The following ADAMTS6 variants were observed in gnomAD, a reference collection of about 807,000 sequenced individuals.
ADAMTS6 encodes ADAM metallopeptidase with thrombospondin type 1 motif 6, also known as A disintegrin and metalloproteinase with thrombospondin motifs 6.
In ADAMTS6, 23 loss-of-function variants were observed where a neutral mutation model predicts 144.3. That is an observed-to-expected ratio of 0.16 (90% CI 0.11 to 0.23). The LOEUF is 0.23. Among genes scored for constraint, ADAMTS6 ranks in the 10% least tolerant of loss-of-function variants. ADAMTS6 has a pLI of 1.00. For synonymous variants in ADAMTS6, 444 were observed against 457.5 expected (o/e 0.97, Z 0.38); for missense variants, 999 against 1,379.6 (o/e 0.72, Z 4.37).
rs763265196 is a variant in ADAMTS6 at position 65,273,341 on chromosome 5, C to T, written c.1619G>A (p.Gly540Glu). The change falls in exon 12 of 25, where the codon GGG (glycine) becomes GAG (glutamate). Residue 540 changes from glycine to glutamate, a missense_variant and splice_region_variant. Gly to Glu is a moderately conservative substitution (Grantham distance 98). This residue lies in a region of ADAMTS6 where 619 missense variants were observed against 837.0 expected (regional missense o/e 0.74). Transcript: ENST00000381055. ...TLCQTGNIEKGWCYQGDCVPF... is the reference protein window; with the variant it reads ...TLCQTGNIEKEWCYQGDCVPF... ...CAGGTAGTAAATCATTGAGCTTACCCCTTTTTCAATATTCCCAGTTTGACA... is the reference window on the plus strand; with the variant it reads ...CAGGTAGTAAATCATTGAGCTTACCTCTTTTTCAATATTCCCAGTTTGACA... 3.6e-5 allele frequency: 58 copies of T among 1,613,308 alleles called. 1 individual carries two copies. The highest frequency in any genetic ancestry group is 4.7e-5 in the Non-Finnish European group (55 of 1,179,486).
intron 24 of ADAMTS6, among the ~76,000 whole-genome samples, chr5:65,157,297 G>C (rs1346687791): frequency 6.6e-6 from 1 of 152,154 alleles, no homozygotes; most frequent in Non-Finnish European, 1.5e-5. Context: ...TCAAAACTCT[G>C]ACCTAAAAGA....
chr5:65,294,751 A>G (rs868431072), intron 10 of ADAMTS6, among the ~76,000 whole-genome samples: 1 of 152,204 alleles, frequency 6.6e-6, no homozygotes, highest in Non-Finnish European at 1.5e-5. Context: ...TGAGCAATGT[A>G]TATTTAACCC....
At chr5:65,428,281 T>G (rs1339652753) in intron 7 of ADAMTS6, among the ~76,000 whole-genome samples, 2 of 151,914 alleles carry the variant, frequency 1.3e-5, no homozygotes, top group Non-Finnish European at 2.9e-5. Context: ...TTCCTTGTTT[T>G]AAGAAATCAT....
chr5:65,309,932 T>C (rs527374392), intron 9 of ADAMTS6, among the ~76,000 whole-genome samples: 17 of 152,124 alleles, frequency 1.1e-4, no homozygotes, highest in Admixed American at 2.6e-4. Context: ...CTGATATGGT[T>C]TGGATCTGTG....
In ADAMTS6 at chr5:65,459,513, A is replaced by G. The variant is rs73093226; in HGVS notation, c.631+657T>C. 3.4e-3 allele frequency among the ~76,000 whole-genome samples: 525 copies of G among 152,260 alleles called. 4 individuals are homozygous for G. The highest frequency in any genetic ancestry group is 0.012 in the African/African-American group (504 of 41,550). ...TATCCAGTTACATGAACTGTCTGTC[A>G]ATTTATAAAACATGTCTTATAAAAC... On this transcript the variant is annotated intron_variant, in intron 4 of 24. Transcript: ENST00000381055.
At chr5:65,391,626 C>T (rs888816060) in intron 7 of ADAMTS6, among the ~76,000 whole-genome samples, 2 of 151,978 alleles carry the variant, frequency 1.3e-5, no homozygotes, top group African/African-American at 4.8e-5. Flanking sequence ...TTTATTTTTT[C>T]TCTTCTAGTA....
chr5:65,309,122 C>T (rs747782008), intron 9 of ADAMTS6, among the ~76,000 whole-genome samples: 9 of 139,448 alleles, frequency 6.5e-5, no homozygotes, highest in African/African-American at 1.3e-4. Context: ...GGGTTGGTGG[C>T]GGGGGGGTGG....
chr5:65,225,910 T>G (rs1757687010), intron 16 of ADAMTS6, among the ~76,000 whole-genome samples, 176 bp downstream of exon 16: 1 of 152,202 alleles, frequency 6.6e-6, no homozygotes, highest in Non-Finnish European at 1.5e-5. Context: ...GTATGGTGCT[T>G]GAATATGAAT....
chr5:65,406,075 A>T (rs1195340637), intron 7 of ADAMTS6, among the ~76,000 whole-genome samples: 1 of 152,202 alleles, frequency 6.6e-6, no homozygotes, highest in African/African-American at 2.4e-5. Flanking sequence ...CTAAATATAC[A>T]ATCATGTCAT....
intron 24 of ADAMTS6, among the ~76,000 whole-genome samples, chr5:65,168,272 C>G (rs1390084608): frequency 2.6e-5 from 4 of 151,572 alleles, no homozygotes; most frequent in Admixed American, 6.6e-5. Context: ...CATGAGTGAA[C>G]TCCCATTCAC....
intron 8 of ADAMTS6, among the ~76,000 whole-genome samples, chr5:65,330,327 G>A (rs973750229): frequency 4.6e-5 from 7 of 152,006 alleles, no homozygotes; most frequent in African/African-American, 1.4e-4. Flanking sequence ...CTTAAAAAAA[G>A]AATTTTTGTG....
At chr5:65,201,233 G>A (rs544724273) in intron 20 of ADAMTS6, among the ~76,000 whole-genome samples, 1 of 152,286 alleles carries the variant, frequency 6.6e-6, no homozygotes, top group East Asian at 1.9e-4. Flanking sequence ...CCCAGTCTGA[G>A]CAAAGAGTTC....
chr5:65,288,110 T>A (rs1741875100), intron 11 of ADAMTS6, among the ~76,000 whole-genome samples: 1 of 152,054 alleles, frequency 6.6e-6, no homozygotes, highest in Non-Finnish European at 1.5e-5. Flanking sequence ...AATTTTCATG[T>A]AAATTTCCAA....
intron 11 of ADAMTS6, among the ~76,000 whole-genome samples, chr5:65,288,570 G>A (rs1192804143): frequency 2.6e-5 from 4 of 152,008 alleles, no homozygotes; most frequent in South Asian, 4.2e-4. Flanking sequence ...CACCCACCTC[G>A]GCCTCCCAAA....
At chr5:65,402,342 A>C (rs1753989909) in intron 7 of ADAMTS6, among the ~76,000 whole-genome samples, 1 of 152,134 alleles carries the variant, frequency 6.6e-6, no homozygotes, top group South Asian at 2.1e-4. Context: ...GATGAATGTG[A>C]CTGAAGACAA....
chr5:65,466,676 T>A (rs191168821), intron 3 of ADAMTS6, among the ~76,000 whole-genome samples: 2 of 152,196 alleles, frequency 1.3e-5, no homozygotes, highest in Non-Finnish European at 2.9e-5. Flanking sequence ...AATGGGATCA[T>A]TGAGCTTTTC....
At chr5:65,226,306 C>A (rs1460193389) in intron 15 of ADAMTS6, 87 bp from the exon 16 acceptor site, 19 of 1,361,334 alleles carry the variant, frequency 1.4e-5, no homozygotes, top group Non-Finnish European at 1.9e-5. Context: ...ATTTATAATT[C>A]ACGTAGACAT....
intron 14 of ADAMTS6, among the ~76,000 whole-genome samples, chr5:65,253,762 C>T (rs1760395014): frequency 6.8e-6 from 1 of 147,598 alleles, no homozygotes; most frequent in Admixed American, 6.8e-5. Flanking sequence ...ATAGTAACAC[C>T]TATTCTTTGT....
chr5:65,281,377 T>G (rs933623788), intron 11 of ADAMTS6, among the ~76,000 whole-genome samples: 2 of 152,164 alleles, frequency 1.3e-5, no homozygotes, highest in Non-Finnish European at 2.9e-5. Context: ...CCCTCCTATT[T>G]TTTACTTTGA....
Sources: allele counts gnomAD v4.1 joint callset (sites outside exome capture counted in the v4.1 genomes callset), GRCh38; gene constraint gnomAD v4.1.1; regional missense constraint gnomAD v4.1.1; transcripts MANE v1.5; gene names NCBI Gene and HGNC (gene_info 2026-07-23, HGNC 2026-07-21).